The following WDFY4 variants were observed in gnomAD, a reference collection of about 807,000 sequenced individuals.
WDFY4 encodes the protein WDFY family member 4, also known as WD repeat- and FYVE domain-containing protein 4.
A neutral mutation model predicts 351.9 loss-of-function variants in WDFY4; 169 were observed. That is an observed-to-expected ratio of 0.48 (90% CI 0.42 to 0.55). The LOEUF (loss-of-function observed/expected upper bound fraction) is 0.55. Among genes scored for constraint, WDFY4 ranks in the 20% least tolerant of loss-of-function variants. The pLI is 0.00. For synonymous variants in WDFY4, 1,622 were observed against 1,574.6 expected, an observed-to-expected ratio of 1.03 and a Z score of -0.71; for missense variants, 3,803 against 3,935.6, an observed-to-expected ratio of 0.97 and a Z score of 0.90.
intron 47 of WDFY4, among the ~76,000 whole-genome samples, chr10:48,931,135 C>T (rs1449799647): frequency 1.3e-5 from 2 of 148,888 alleles, no homozygotes; most frequent in East Asian, 3.9e-4. Flanking sequence ...ACACACGATT[C>T]CGCTTCTTTT....
At chr10:48,901,164 T>C (rs930296758) in intron 46 of WDFY4, among the ~76,000 whole-genome samples, 2 of 152,260 alleles carry the variant, frequency 1.3e-5, no homozygotes, top group Admixed American at 6.5e-5. Flanking sequence ...GCTTTTGTGC[T>C]AGTTCTAGGC....
intron 47 of WDFY4, among the ~76,000 whole-genome samples, chr10:48,918,396 A>G (rs1838744111): frequency 6.6e-6 from 1 of 152,242 alleles, no homozygotes; most frequent in Admixed American, 6.5e-5. Context: ...AAGACATACC[A>G]TGCAAACACT....
chr10:48,739,740 T>C (rs906458114), intron 11 of WDFY4, among the ~76,000 whole-genome samples: 1 of 152,200 alleles, frequency 6.6e-6, no homozygotes, highest in Non-Finnish European at 1.5e-5. Flanking sequence ...AGGACAGCCA[T>C]TCCTTCCTCC....
intron 32 of WDFY4, among the ~76,000 whole-genome samples, chr10:48,817,704 G>A (rs1211834624): frequency 6.6e-6 from 1 of 152,238 alleles, no homozygotes; most frequent in Non-Finnish European, 1.5e-5. Context: ...CACTGACAAG[G>A]GGAGACAGTG....
At chr10:48,883,509 T>C (rs2070337647) in intron 43 of WDFY4, among the ~76,000 whole-genome samples, 1 of 152,184 alleles carries the variant, frequency 6.6e-6, no homozygotes, top group Non-Finnish European at 1.5e-5. Flanking sequence ...TCAGATGTCA[T>C]TGTGAGACTT....
chr10:48,928,605 C>G (rs1839786681), intron 47 of WDFY4, among the ~76,000 whole-genome samples: 2 of 152,198 alleles, frequency 1.3e-5, no homozygotes, highest in Non-Finnish European at 2.9e-5. Flanking sequence ...CTCCTTTGAG[C>G]TGCACAGGCC....
At chr10:48,979,284 A>C (rs1164884371) in intron 60 of WDFY4, among the ~76,000 whole-genome samples, 1 of 152,216 alleles carries the variant, frequency 6.6e-6, no homozygotes, top group East Asian at 1.9e-4. Flanking sequence ...AAAGGACAGA[A>C]GTGTGTGCAT....
chr10:48,745,328 C>T (rs1240691894), intron 12 of WDFY4, among the ~76,000 whole-genome samples: 2 of 152,178 alleles, frequency 1.3e-5, no homozygotes, highest in Non-Finnish European at 2.9e-5. Context: ...AGGTTGACTT[C>T]ATGGCCCTCA....
At chr10:48,936,364 AC>A (rs1840359840) in intron 47 of WDFY4, among the ~76,000 whole-genome samples, 1 of 152,164 alleles carries the variant, frequency 6.6e-6, no homozygotes, top group Non-Finnish European at 1.5e-5. Flanking sequence ...ATTAAAAATT[AC>A]CTCAAATTCT....
At chr10:48,943,525 C>A in intron 49 of WDFY4, 76 bp downstream of exon 49, 1 of 1,463,256 alleles carries the variant, frequency 6.8e-7, no homozygotes, top group Non-Finnish European at 9.2e-7. Context: ...AGTCAGCATG[C>A]AGAGCCTCTG....
At chr10:48,806,982 A>G (rs954954850) in intron 27 of WDFY4, among the ~76,000 whole-genome samples, 11 of 152,220 alleles carry the variant, frequency 7.2e-5, no homozygotes, top group Admixed American at 2.0e-4. Flanking sequence ...TTTAATCTAG[A>G]TAAAGTATTA....
At chr10:48,919,784 T>A (rs1838885122) in intron 47 of WDFY4, among the ~76,000 whole-genome samples, 1 of 152,208 alleles carries the variant, frequency 6.6e-6, no homozygotes, top group Non-Finnish European at 1.5e-5. Flanking sequence ...ACACTGGAGA[T>A]CAGAGTTTCA....
intron 39 of WDFY4, among the ~76,000 whole-genome samples, chr10:48,859,310 A>G (rs1430764822): frequency 1.3e-5 from 2 of 152,114 alleles, no homozygotes; most frequent in Admixed American, 6.5e-5. Context: ...TTTTAAAGCG[A>G]AAGTATTCAT....
At chr10:48,866,756 G>A (rs180710138) in intron 39 of WDFY4, among the ~76,000 whole-genome samples, 5 of 152,316 alleles carry the variant, frequency 3.3e-5, no homozygotes, top group South Asian at 4.1e-4. Context: ...CCATAAACAC[G>A]TATGTGAATG....
intron 54 of WDFY4, among the ~76,000 whole-genome samples, chr10:48,965,861 A>G (rs999166365): frequency 6.6e-6 from 1 of 152,240 alleles, no homozygotes; most frequent in African/African-American, 2.4e-5. Context: ...TATATCAGTT[A>G]GATAAAGATT....
At position 48,723,493 on chromosome 10, in the gene WDFY4, CTCT is replaced by C; in HGVS notation, c.522_524del (p.Phe175del). 6.4e-7 allele frequency: 1 copy of C among 1,551,392 alleles called. No homozygotes were observed. The highest frequency in any genetic ancestry group is 8.7e-7 in the Non-Finnish European group (1 of 1,147,014). On this transcript the variant is annotated inframe_deletion, in exon 5 of 62. Transcript: ENST00000325239. ...AGCCCTGCTCCTACAGTGCCTTTAC[CTCT>C]TCTTTGTCTTTCCTCTGGACAAAGA...
intron 51 of WDFY4, among the ~76,000 whole-genome samples, chr10:48,955,255 A>G (rs1045581077): frequency 2.0e-5 from 3 of 152,228 alleles, no homozygotes; most frequent in African/African-American, 7.2e-5. Context: ...ATTTCAACCA[A>G]GAGCAAAGCG....
chr10:48,769,986 C>T (rs971928134), intron 13 of WDFY4, among the ~76,000 whole-genome samples: 2 of 152,184 alleles, frequency 1.3e-5, no homozygotes, highest in African/African-American at 4.8e-5. Context: ...CCGTCTCCTG[C>T]GTTGGAAGTA....
chr10:48,764,128 C>T (rs2132540785), intron 13 of WDFY4, among the ~76,000 whole-genome samples: 2 of 152,362 alleles, frequency 1.3e-5, no homozygotes, highest in South Asian at 4.1e-4. Flanking sequence ...TGCTCTCTCT[C>T]CTCTATGGAT....
Sources: allele counts gnomAD v4.1 joint callset (sites outside exome capture counted in the v4.1 genomes callset), GRCh38; gene constraint gnomAD v4.1.1; transcripts MANE v1.5; gene names NCBI Gene and HGNC (gene_info 2026-07-23, HGNC 2026-07-21).